Variants in STX6 observed in about 807,000 individuals in gnomAD.
STX6 encodes the protein syntaxin 6.
STX6 carries 23 observed loss-of-function variants against 38.0 expected under a neutral mutation model. The ratio of observed to expected loss-of-function variants is 0.60; its 90% confidence interval spans 0.43 to 0.86. STX6 has a LOEUF of 0.86. Among genes scored for constraint, STX6 ranks in the 40% least tolerant of loss-of-function variants. STX6 has a pLI of 0.00. For missense variants in STX6, 274 were observed against 312.9 expected (o/e 0.88, Z 0.94); for synonymous variants, 123 against 107.5 (o/e 1.14, Z -0.89).
chr1:181,022,544 T>C, intron 1 of STX6, 95 bp downstream of exon 1: 3 of 1,314,680 alleles, frequency 2.3e-6, no homozygotes, highest in Non-Finnish European at 3.2e-6. Context: ...CAGCTCCAAC[T>C]TGCCTCCCCT....
chr1:180,985,748 A>C (rs1305010617), intron 6 of STX6, among the ~76,000 whole-genome samples: 2 of 152,240 alleles, frequency 1.3e-5, no homozygotes, highest in African/African-American at 2.4e-5. Context: ...TTTGATTAGT[A>C]AATGATTATT....
At chr1:180,978,978 G>A (rs996037636) in intron 7 of STX6, among the ~76,000 whole-genome samples, 2 of 152,198 alleles carry the variant, frequency 1.3e-5, no homozygotes, top group Non-Finnish European at 2.9e-5. Flanking sequence ...ACCAGAGTCA[G>A]ATACAGCAGG....
intron 3 of STX6, among the ~76,000 whole-genome samples, chr1:181,002,221 T>A (rs1656102093): frequency 6.6e-6 from 1 of 152,014 alleles, no homozygotes; most frequent in South Asian, 2.1e-4. Context: ...GACGTGATCA[T>A]AGCTCTCAGC....
intron 4 of STX6, among the ~76,000 whole-genome samples, chr1:180,991,068 C>T (rs1168541731): frequency 6.6e-6 from 1 of 152,316 alleles, no homozygotes; most frequent in East Asian, 1.9e-4. Flanking sequence ...AAATCTCAGG[C>T]ACTATTAAAA....
Position 181,022,692 on chromosome 1 carries a change from G to C in STX6, c.-19C>G. Reference sequence around the variant, plus strand: ...TGGACATGGCGTCCCGGCCCCGGCCGCCTTCACCTCCTCCGCGCACAGGGC... The same window carrying C: ...TGGACATGGCGTCCCGGCCCCGGCCCCCTTCACCTCCTCCGCGCACAGGGC... On this transcript the variant is annotated 5_prime_UTR_variant, in exon 1 of 8. Coordinates refer to ENST00000258301, the MANE Select transcript of STX6 (RefSeq NM_005819.6). 6.2e-7 allele frequency: 1 copy of C among 1,603,428 alleles called. No homozygotes were observed. The highest frequency in any genetic ancestry group is 8.5e-7 in the Non-Finnish European group (1 of 1,175,924).
chr1:181,012,311 C>T (rs1656423394), intron 1 of STX6, among the ~76,000 whole-genome samples: 1 of 152,222 alleles, frequency 6.6e-6, no homozygotes, highest in African/African-American at 2.4e-5. Flanking sequence ...ACACATCAAG[C>T]AAATCTTGCG....
rs1656782274 is a variant in STX6, at chr1:181,022,744, C to T, written c.-71G>A. On this transcript the variant is annotated 5_prime_UTR_variant, in exon 1 of 8. Transcript: ENST00000258301. The stretch of plus-strand genomic sequence containing the variant: ...CCCGTGCCTCCCGGTCTCCCTCCGC[C>T]CACCCCGCCTGTTCCCGCAGCTGCC... 10 of 1,482,250 alleles carry T rather than the reference C, an allele frequency of 6.7e-6. No individual in the cohort carries two copies. The highest frequency in any genetic ancestry group is 3.8e-5 in the Admixed American group (2 of 52,204). The allele number at this position is 1,482,250 out of a possible 1,614,324, so 91.8% of individuals were successfully genotyped here.
chr1:180,976,429 T>C lies in STX6; in HGVS notation c.*141A>G, dbSNP rs1387250157. The C allele has an allele frequency of 8.8e-5, 65 of 740,002 alleles. No homozygotes were observed. The highest frequency in any genetic ancestry group is 1.5e-4 in the Non-Finnish European group (63 of 428,232). The allele number at this position is 740,002 out of a possible 1,614,324, so 45.8% of individuals were successfully genotyped here. On this transcript the variant is annotated 3_prime_UTR_variant, in exon 8 of 8. Transcript: ENST00000258301. ...TGGGATGGAGGAGCCATGTCAATTG[T>C]GGGGTCACACGGAGAAAAGTCAGTG...
chr1:181,009,149 C>G (rs746380292), intron 1 of STX6, among the ~76,000 whole-genome samples: 2 of 151,604 alleles, frequency 1.3e-5, no homozygotes, highest in Non-Finnish European at 2.9e-5. Flanking sequence ...TTTTTTTAAA[C>G]TCTCAAAACT....
At chr1:181,017,780 C>T (rs1020087767) in intron 1 of STX6, among the ~76,000 whole-genome samples, 38 of 152,006 alleles carry the variant, frequency 2.5e-4, no homozygotes, top group Non-Finnish European at 5.6e-4. Context: ...GTACTGGAAT[C>T]AAGGGAATTG....
rs1374148407 is a variant in STX6, at chr1:181,022,771, G to A, written c.-98C>T. ...ACCCCGCCTGTTCCCGCAGCTGCCC[G>A]CGCCTTAGTCTGGGTGAAGCCGAGC... On this transcript the variant is annotated 5_prime_UTR_variant, in exon 1 of 8. Transcript: ENST00000258301. 77 of 1,303,394 alleles carry A rather than the reference G, an allele frequency of 5.9e-5. No individual in the cohort carries two copies. In the East Asian group the frequency reaches 1.9e-3, roughly 32 times the overall value. 80.7% of individuals were successfully genotyped at this position (1,303,394 alleles called of 1,614,324 possible).
chr1:181,013,124 G>A (rs1285545699), intron 1 of STX6, among the ~76,000 whole-genome samples: 1 of 149,774 alleles, frequency 6.7e-6, no homozygotes, highest in Admixed American at 6.6e-5. Context: ...AGCCTCTGGG[G>A]CCACAAGTAA....
At chr1:180,985,639 C>T (rs1489613064) in intron 6 of STX6, among the ~76,000 whole-genome samples, 1 of 152,252 alleles carries the variant, frequency 6.6e-6, no homozygotes, top group Non-Finnish European at 1.5e-5. Flanking sequence ...CAGGCTTACA[C>T]TATTTGCTGT....
intron 1 of STX6, among the ~76,000 whole-genome samples, chr1:181,018,276 G>C (rs950657592): frequency 2.0e-5 from 3 of 150,902 alleles, no homozygotes; most frequent in African/African-American, 7.3e-5. Context: ...CCAGCTACTT[G>C]GGAGGGTGTG....
chr1:180,984,779 G>A lies in STX6; in HGVS notation c.597-8C>T. The A allele has an allele frequency of 2.1e-6, 3 of 1,427,000 alleles. No homozygotes were observed. The highest frequency in any genetic ancestry group is 3.0e-6 in the Non-Finnish European group (3 of 1,010,632). 88.4% of individuals were successfully genotyped at this position (1,427,000 alleles called of 1,614,324 possible). On this transcript the variant is annotated splice_region_variant and splice_polypyrimidine_tract_variant and intron_variant, in intron 6 of 7. Coordinates refer to ENST00000258301, the MANE Select transcript of STX6 (RefSeq NM_005819.6). ...GAGAAATCTTCCAACATACTAGAGA[G>A]AAGCAGACACAGAAGGTCGCTGGTA...
chr1:181,022,594 G>A (rs1558103576), intron 1 of STX6, 45 bp downstream of exon 1: 1 of 1,587,520 alleles, frequency 6.3e-7, no homozygotes, highest in Non-Finnish European at 8.6e-7. Context: ...CGGGCAGGCA[G>A]CACCGCCACC....
Position 180,984,081 on chromosome 1 carries a change from A to C in STX6, c.691+596T>G, listed in dbSNP as rs1316282083. 1.3e-5 allele frequency among the ~76,000 whole-genome samples: 2 copies of C among 148,914 alleles called. 1 individual carries two copies. The highest frequency in any genetic ancestry group is 3.0e-5 in the Non-Finnish European group (2 of 67,056). The stretch of plus-strand genomic sequence containing the variant: ...TCCATCTCAAAAAAAAAAAAAAAAA[A>C]AAAAAAAAACACAACGAAAGTGACT... On this transcript the variant is annotated intron_variant, in intron 7 of 7. Coordinates refer to ENST00000258301, the MANE Select transcript of STX6 (RefSeq NM_005819.6).
intron 7 of STX6, among the ~76,000 whole-genome samples, chr1:180,981,826 T>C (rs1457587058): frequency 6.6e-6 from 1 of 152,180 alleles, no homozygotes; most frequent in African/African-American, 2.4e-5. Context: ...GAACGGGTAC[T>C]AACCACAGGG....
In STX6 at chr1:180,976,577, A is replaced by C; in HGVS notation, c.761T>G (p.Val254Gly). Reference sequence around the variant, plus strand: ...CACCCAGAGGCCCCGCCGTCACAGCACTAAGAAGAGGATGAGCACAACCAA... The same window carrying C: ...CACCCAGAGGCCCCGCCGTCACAGCCCTAAGAAGAGGATGAGCACAACCAA... ...VLLVVLILFL[V>G]L Residue 254 changes from valine (V) to glycine (G), a missense_variant, in exon 8 of 8, where the codon GTG becomes GGG. Val to Gly is a moderately radical substitution (Grantham distance 109). Transcript: ENST00000258301. 6.2e-7 allele frequency: 1 copy of C among 1,613,726 alleles called. No homozygotes were observed. Among genetic ancestry groups the C allele is most frequent in the South Asian group, 1.1e-5 (1 of 91,082 alleles).
Sources: gnomAD v4.1 joint callset for allele counts (sites outside exome capture counted in the v4.1 genomes callset) on GRCh38, gnomAD v4.1.1 for gene constraint, MANE v1.5 for transcripts, NCBI Gene and HGNC (gene_info 2026-07-23, HGNC 2026-07-21) for gene names.